Variants in RGS17 observed in about 807,000 individuals in gnomAD.
The protein encoded by RGS17 is regulator of G protein signaling 17, also known as regulator of G-protein signaling 17.
In RGS17, 12 loss-of-function variants were observed where a neutral mutation model predicts 25.5. The ratio of observed to expected loss-of-function variants is 0.47; its 90% CI spans 0.30 to 0.76. The LOEUF is 0.76. Ranked by LOEUF, RGS17 falls within the 30% of genes least tolerant of loss-of-function variation. RGS17 has a pLI of 0.07. For synonymous variants in RGS17, 71 were observed against 76.9 expected, an observed-to-expected ratio of 0.92 and a Z score of 0.40; for missense variants, 196 against 242.2, an observed-to-expected ratio of 0.81 and a Z score of 1.27.
At chr6:153,032,100 C>A (rs954925101) in intron 2 of RGS17, among the ~76,000 whole-genome samples, 1 of 152,070 alleles carries the variant, frequency 6.6e-6, no homozygotes, top group African/African-American at 2.4e-5. Flanking sequence ...ACTACCCACC[C>A]CCCAAAAAAA....
intron 1 of RGS17, among the ~76,000 whole-genome samples, chr6:153,044,314 T>C (rs916319171): frequency 1.3e-5 from 2 of 152,204 alleles, no homozygotes; most frequent in Admixed American, 6.5e-5. Flanking sequence ...AAAGTAAATA[T>C]GATAAGGTTT....
intron 1 of RGS17, among the ~76,000 whole-genome samples, chr6:153,064,502 C>T (rs6557257): frequency 0.38 from 58,286 of 151,538 alleles, 11,888 homozygotes; most frequent in East Asian, 0.62. Context: ...TGGTGGCGGA[C>T]GCCTGTAGTC....
At chr6:153,127,499 C>T (rs924866751) in intron 1 of RGS17, among the ~76,000 whole-genome samples, 2 of 152,090 alleles carry the variant, frequency 1.3e-5, no homozygotes, top group Admixed American at 6.5e-5. Context: ...TCTTGTATGT[C>T]TGAGGAAACT....
chr6:153,042,682 T>C (rs187165128), intron 2 of RGS17, among the ~76,000 whole-genome samples: 3 of 152,352 alleles, frequency 2.0e-5, no homozygotes, highest in Admixed American at 1.3e-4. Flanking sequence ...TTGATATCTA[T>C]AAAAACTACT....
At chr6:153,104,475 C>G (rs1777350206) in intron 1 of RGS17, among the ~76,000 whole-genome samples, 1 of 152,190 alleles carries the variant, frequency 6.6e-6, no homozygotes, top group African/African-American at 2.4e-5. Context: ...CATTAACCAG[C>G]TCCCAGATCT....
At chr6:153,107,313 A>G (rs1777400799) in intron 1 of RGS17, among the ~76,000 whole-genome samples, 2 of 152,138 alleles carry the variant, frequency 1.3e-5, no homozygotes, top group Non-Finnish European at 2.9e-5. Context: ...AGCCTGGGCA[A>G]TAACAGTGAA....
chr6:153,128,713 T>C (rs1777742290), intron 1 of RGS17, among the ~76,000 whole-genome samples: 1 of 152,152 alleles, frequency 6.6e-6, no homozygotes, highest in Non-Finnish European at 1.5e-5. Context: ...ATTATTATTA[T>C]TATTTATTAT....
chr6:153,076,947 C>A (rs1776888794), intron 1 of RGS17, among the ~76,000 whole-genome samples: 1 of 151,926 alleles, frequency 6.6e-6, no homozygotes, highest in Non-Finnish European at 1.5e-5. Flanking sequence ...TGTATGGGGC[C>A]CAAATATCAC....
At chr6:153,041,587 G>T (rs1190339926) in intron 2 of RGS17, among the ~76,000 whole-genome samples, 1 of 152,148 alleles carries the variant, frequency 6.6e-6, no homozygotes, top group Non-Finnish European at 1.5e-5. Context: ...AGAAACTTCA[G>T]TATTCTATCT....
intron 1 of RGS17, among the ~76,000 whole-genome samples, chr6:153,067,252 A>G (rs954059371): frequency 1.3e-5 from 2 of 152,212 alleles, no homozygotes; most frequent in African/African-American, 4.8e-5. Flanking sequence ...AATCTGGAAC[A>G]TGACAAGGAT....
At chr6:153,076,978 G>T (rs1246836642) in intron 1 of RGS17, among the ~76,000 whole-genome samples, 4 of 143,404 alleles carry the variant, frequency 2.8e-5, no homozygotes, top group Non-Finnish European at 6.3e-5. Context: ...CTAGTTATAA[G>T]GGAAAAAAAT....
Position 153,005,036 on chromosome 6 carries a change from A to G in RGS17, c.*6538T>C, listed in dbSNP as rs1279297060. The stretch of plus-strand genomic sequence containing the variant: ...TATTTAGCAAACATTTAAAAATCAT[A>G]TACAAGAAAGGTGTTTATGACAAAT... On this transcript the variant is annotated 3_prime_UTR_variant, in exon 5 of 5. Transcript: ENST00000206262. 6.6e-6 allele frequency: 1 copy of G among 152,244 alleles called. No individual in the cohort carries two copies. 9.4% of individuals were successfully genotyped at this position (152,244 alleles called of 1,614,324 possible).
chr6:153,101,791 A>ACTCTCT (rs112427467), intron 1 of RGS17, among the ~76,000 whole-genome samples: 1 of 150,128 alleles, frequency 6.7e-6, no homozygotes. Flanking sequence ...TTCCCCCTTC[A>ACTCTCT]CTCTCTCTCT....
rs367841076 is a variant in RGS17, at chr6:153,010,883, C to CTTTTTTTT, written c.*683_*690dup. 2.7e-4 allele frequency: 37 copies of CTTTTTTTT among 137,978 alleles called. No individual in the cohort carries two copies. Among genetic ancestry groups the CTTTTTTTT allele is most frequent in the South Asian group, 4.5e-4 (2 of 4,490 alleles). The allele number at this position is 137,978 out of a possible 1,614,324, so 8.5% of individuals were successfully genotyped here. A position where few individuals can be genotyped will look rare whatever the true frequency, so the allele number is the denominator to read the frequency against. On this transcript the variant is annotated 3_prime_UTR_variant, in exon 5 of 5. Transcript: ENST00000206262. Reference sequence around the variant, plus strand: ...TGTTTTGTGCTTTTTTCCTTCTTCCCTTTTTTTTTTTTTTTGTTTTTTGCT... The same window carrying CTTTTTTTT: ...TGTTTTGTGCTTTTTTCCTTCTTCCCTTTTTTTTTTTTTTTTTTTTTTTGTTTTTTGCT...
At chr6:153,091,592 A>T (rs980167152) in intron 1 of RGS17, among the ~76,000 whole-genome samples, 4 of 151,900 alleles carry the variant, frequency 2.6e-5, no homozygotes, top group Non-Finnish European at 5.9e-5. Flanking sequence ...GGCTCACTGC[A>T]AACTCTGTCT....
chr6:153,111,251 C>T (rs760922560), intron 1 of RGS17, among the ~76,000 whole-genome samples: 5 of 152,072 alleles, frequency 3.3e-5, no homozygotes, highest in African/African-American at 9.7e-5. Context: ...CGAGCTTAGT[C>T]GGGGGAGGGG....
intron 1 of RGS17, among the ~76,000 whole-genome samples, chr6:153,071,287 C>A (rs774205281): frequency 6.6e-6 from 1 of 151,536 alleles, no homozygotes; most frequent in African/African-American, 2.4e-5. Context: ...GTACTATAAA[C>A]ACACATACAC....
At chr6:153,056,349 G>T (rs1776558006) in intron 1 of RGS17, among the ~76,000 whole-genome samples, 1 of 152,192 alleles carries the variant, frequency 6.6e-6, no homozygotes, top group South Asian at 2.1e-4. Context: ...TAATCACTGA[G>T]ATCAGTGACG....
At chr6:153,056,857 TG>T (rs1776568291) in intron 1 of RGS17, among the ~76,000 whole-genome samples, 1 of 150,736 alleles carries the variant, frequency 6.6e-6, no homozygotes, top group African/African-American at 2.4e-5. Context: ...TGTGTGTGTG[TG>T]TGTGTGTGTG....
Sources: gnomAD v4.1 joint callset for allele counts (sites outside exome capture counted in the v4.1 genomes callset) on GRCh38, gnomAD v4.1.1 for gene constraint, MANE v1.5 for transcripts, NCBI Gene and HGNC (gene_info 2026-07-23, HGNC 2026-07-21) for gene names.